The following FBXW12 variants were observed in gnomAD, a reference collection of about 807,000 sequenced individuals.
FBXW12 encodes the protein F-box and WD repeat domain containing 12.
In FBXW12, 43 loss-of-function variants were observed where a neutral mutation model predicts 55.3. The ratio of observed to expected loss-of-function variants is 0.78; its 90% CI spans 0.61 to 1.00. The LOEUF (loss-of-function observed/expected upper bound fraction) is 1.00. FBXW12 is among the 50% of genes least tolerant of loss of function. The pLI is 0.00. For missense variants in FBXW12, 524 were observed against 560.5 expected (o/e 0.93, Z 0.66); for synonymous variants, 184 against 203.8 (o/e 0.90, Z 0.83).
At position 48,382,926 on chromosome 3, in the gene FBXW12, A is replaced by G. The variant is rs539646792; in HGVS notation, c.1295+841A>G. On this transcript the variant is annotated intron_variant, in intron 10 of 10. Transcript: ENST00000296438. ...ACTAAAAAGAATTTACTGTGAAGCT[A>G]TACCTCCAATCATTCAAGTACATTG... Among the ~76,000 whole-genome samples, 35 of 152,372 alleles carry G rather than the reference A, an allele frequency of 2.3e-4. No homozygotes were observed. The South Asian group carries it at 3.1e-3, about 14-fold the overall frequency.
In FBXW12 at chr3:48,382,100, G is replaced by A; in HGVS notation, c.1295+15G>A. 1 of 1,613,028 alleles carries A rather than the reference G, an allele frequency of 6.2e-7. No individual in the cohort carries two copies. On this transcript the variant is annotated intron_variant, in intron 10 of 10. Transcript: ENST00000296438. ...ACAACAGACAGGTAAGCTCTGTTTT[G>A]TGATGTAAACATCCCCTAAACAACT...
At chr3:48,372,375 TAG>T (rs1176242878) in intron 1 of FBXW12, 55 bp downstream of exon 1, 1 of 1,530,892 alleles carries the variant, frequency 6.5e-7, no homozygotes, top group Non-Finnish European at 8.9e-7. Flanking sequence ...GGAACTTAAA[TAG>T]AGTCATAGAG....
At chr3:48,385,088 A>G (rs946533431) in intron 10 of FBXW12, among the ~76,000 whole-genome samples, 1 of 152,134 alleles carries the variant, frequency 6.6e-6, no homozygotes, top group Non-Finnish European at 1.5e-5. Flanking sequence ...GCCTAATGGA[A>G]ATGCTGGGCC....
At chr3:48,393,590 G>A (rs2036961572) in intron 10 of FBXW12, among the ~76,000 whole-genome samples, 1 of 152,096 alleles carries the variant, frequency 6.6e-6, no homozygotes, top group South Asian at 2.1e-4. Flanking sequence ...AATTGGAGTA[G>A]AGCAGGTATA....
rs1208755389 is a variant in FBXW12, at chr3:48,373,322, T to G, written c.105T>G (p.Ile35Met). The G allele has an allele frequency of 6.2e-7, 1 of 1,614,028 alleles. No homozygotes were observed. Residue 35 changes from isoleucine to methionine, a missense_variant, in exon 3 of 11, where the codon ATT becomes ATG. By Grantham distance (10) the Ile-to-Met change is conservative. Coordinates refer to ENST00000296438, the MANE Select transcript of FBXW12 (RefSeq NM_207102.2). ...VSQVNKHWNRIADSDYLWRSL... is the reference protein window; with the variant it reads ...VSQVNKHWNRMADSDYLWRSL... ...CTCTCCCATAGCATTGGAATAGGATTGCAGACAGTGATTACCTGTGGAGGT... is the reference window on the plus strand; with the variant it reads ...CTCTCCCATAGCATTGGAATAGGATGGCAGACAGTGATTACCTGTGGAGGT...
At chr3:48,381,033 T>TC in intron 8 of FBXW12, 121 bp downstream of exon 8, 1 of 858,654 alleles carries the variant, frequency 1.2e-6, no homozygotes, top group East Asian at 2.7e-5. Context: ...TTTTTTTTTT[T>TC]TTTTTTTGAG....
chr3:48,379,290 A>G (rs1481956782), intron 6 of FBXW12, 110 bp from the exon 7 acceptor site: 2 of 988,568 alleles, frequency 2.0e-6, no homozygotes, highest in Non-Finnish European at 3.2e-6. Flanking sequence ...GATCTCCATT[A>G]TGTGATTGAA....
chr3:48,378,437 C>A lies in FBXW12; in HGVS notation c.526C>A (p.Gln176Lys). ...AAAAACTATCAAAGTGTGGAACTGT[C>A]AGGACAGGGACGCTCTGGCTGTTCT... ...RKKTIKVWNC[Q>K]DRDALAVLPM... is the part of the protein sequence containing the mutation. The change falls in exon 6 of 11, where the codon CAG becomes AAG. Residue 176 changes from glutamine (Q) to lysine (K), a missense_variant. Physicochemically the swap from Gln to Lys is moderately conservative, Grantham distance 53. Coordinates refer to ENST00000296438, the MANE Select transcript of FBXW12 (RefSeq NM_207102.2). 1 of 1,614,058 alleles carries A rather than the reference C, an allele frequency of 6.2e-7. No homozygotes were observed. Among genetic ancestry groups the A allele is most frequent in the Non-Finnish European group, 8.5e-7 (1 of 1,180,012 alleles).
intron 10 of FBXW12, 95 bp from the exon 11 acceptor site, chr3:48,394,465 G>T: frequency 2.7e-6 from 2 of 733,320 alleles, no homozygotes; most frequent in Admixed American, 2.6e-5. Flanking sequence ...AATTTGGAAA[G>T]TATTGATATC....
intron 6 of FBXW12, among the ~76,000 whole-genome samples, chr3:48,378,858 C>A (rs1466056126): frequency 6.6e-6 from 1 of 152,164 alleles, no homozygotes; most frequent in Non-Finnish European, 1.5e-5. Context: ...CTCAGCCCCC[C>A]AAAGTGCTGG....
In FBXW12 at chr3:48,373,365, A is replaced by G; in HGVS notation, c.128+20A>G. 1 of 1,614,102 alleles carries G rather than the reference A, an allele frequency of 6.2e-7. No homozygotes were observed. Among genetic ancestry groups the G allele is most frequent in the Non-Finnish European group, 8.5e-7 (1 of 1,179,962 alleles). ...GTGGAGGTAAGGGAAGGGAAAGGGCAAGGAGGGAAGGGGAGAGGAGATCAT... is the reference window on the plus strand; with the variant it reads ...GTGGAGGTAAGGGAAGGGAAAGGGCGAGGAGGGAAGGGGAGAGGAGATCAT... On this transcript the variant is annotated intron_variant, in intron 3 of 10. Transcript: ENST00000296438.
chr3:48,383,504 G>A (rs914602517), intron 10 of FBXW12, among the ~76,000 whole-genome samples: 5 of 151,952 alleles, frequency 3.3e-5, no homozygotes, highest in African/African-American at 1.2e-4. Context: ...ATCAGATAAG[G>A]GTTTGCAAAT....
At chr3:48,391,747 T>C (rs1157493145) in intron 10 of FBXW12, among the ~76,000 whole-genome samples, 1 of 152,176 alleles carries the variant, frequency 6.6e-6, no homozygotes, top group Non-Finnish European at 1.5e-5. Flanking sequence ...GAGATGATCA[T>C]ATGGTTTTTT....
rs1466971649 is a variant in FBXW12 at position 48,380,689 on chromosome 3, A to G, written c.775-13A>G. 2.5e-6 allele frequency: 4 copies of G among 1,603,484 alleles called. No individual in the cohort carries two copies. Among genetic ancestry groups the G allele is most frequent in the East Asian group, 2.2e-5 (1 of 44,844 alleles). On this transcript the variant is annotated splice_polypyrimidine_tract_variant and intron_variant, in intron 7 of 10. Transcript: ENST00000296438. Reference sequence around the variant, plus strand: ...TTCCCTGCCCCTGACCATGCATGCGATGCTCTCTTTAGGTATTCCTCACAG... The same window carrying G: ...TTCCCTGCCCCTGACCATGCATGCGGTGCTCTCTTTAGGTATTCCTCACAG...
At chr3:48,384,475 G>A (rs965460828) in intron 10 of FBXW12, among the ~76,000 whole-genome samples, 7 of 152,142 alleles carry the variant, frequency 4.6e-5, no homozygotes, top group African/African-American at 9.7e-5. Context: ...AGACAATCAT[G>A]TCGTCTGTCA....
At position 48,380,805 on chromosome 3, in the gene FBXW12, T is replaced by C; in HGVS notation, c.878T>C (p.Val293Ala). 11 of 1,614,052 alleles carry C rather than the reference T, an allele frequency of 6.8e-6. No homozygotes were observed. Among genetic ancestry groups the C allele is most frequent in the Non-Finnish European group, 9.3e-6 (11 of 1,179,980 alleles). The change falls in exon 8 of 11, where the codon GTG (valine) becomes GCG (alanine). Residue 293 changes from valine (V) to alanine (A), a missense_variant. Val to Ala is a moderately conservative substitution (Grantham distance 64). Coordinates refer to ENST00000296438, the MANE Select transcript of FBXW12 (RefSeq NM_207102.2). ...GCCAGCGCCTGCTGGACCCCAAAGG[T>C]GAAAAACAGGATAACACTGATGTCC... Reference protein sequence around the residue: ...LCASACWTPKVKNRITLMSQS... With the variant: ...LCASACWTPKAKNRITLMSQS...
chr3:48,381,084 A>G (rs6784541), intron 8 of FBXW12, among the ~76,000 whole-genome samples, 172 bp downstream of exon 8: 60,330 of 147,438 alleles, frequency 0.41, 12,293 homozygotes, highest in Non-Finnish European at 0.46. Context: ...GTGCAGCGGC[A>G]CAATCTCGGC....
At position 48,379,264 on chromosome 3, in the gene FBXW12, A is replaced by C. The variant is rs184975449; in HGVS notation, c.616-136A>C. Reference sequence around the variant, plus strand: ...TTATCCCAACAGTGTCTCAAGCTAGACTGGTCAGAGGTTTTGATCTCCATT... The same window carrying C: ...TTATCCCAACAGTGTCTCAAGCTAGCCTGGTCAGAGGTTTTGATCTCCATT... On this transcript the variant is annotated intron_variant, in intron 6 of 10. Transcript: ENST00000296438. 331 of 799,644 alleles carry C rather than the reference A, an allele frequency of 4.1e-4. 1 individual carries two copies. In the African/African-American group the frequency reaches 5.0e-3, roughly 12 times the overall value. 49.5% of individuals were successfully genotyped at this position (799,644 alleles called of 1,614,324 possible).
intron 10 of FBXW12, among the ~76,000 whole-genome samples, chr3:48,390,406 C>CTTTTTTTT (rs71625870): frequency 1.7e-5 from 1 of 57,928 alleles, no homozygotes; most frequent in African/African-American, 7.6e-5. Context: ...AGGATTTCCT[C>CTTTTTTTT]TTTTTTTTTT....
Sources: allele counts gnomAD v4.1 joint callset (sites outside exome capture counted in the v4.1 genomes callset), GRCh38; gene constraint gnomAD v4.1.1; transcripts MANE v1.5; gene names NCBI Gene and HGNC (gene_info 2026-07-23, HGNC 2026-07-21).